PCF11: variants seen among roughly 807,000 people sequenced by gnomAD.
The protein encoded by PCF11 is pre-mRNA cleavage complex 2 protein Pcf11.
A neutral mutation model predicts 166.1 loss-of-function variants in PCF11; 19 were observed. The observed-to-expected ratio is 0.11, with a 90% confidence interval of 0.08 to 0.17. The LOEUF (loss-of-function observed/expected upper bound fraction) is 0.17, where lower values mean the gene tolerates loss of function less well. PCF11 is among the 10% of genes least tolerant of loss of function. The pLI is 1.00. For missense variants in PCF11, 1,565 were observed against 1,855.5 expected, an observed-to-expected ratio of 0.84 and a Z score of 2.88; for synonymous variants, 663 against 644.1, an observed-to-expected ratio of 1.03 and a Z score of -0.44.
In PCF11 at chr11:83,167,366, A is replaced by AT. The variant is rs750433694; in HGVS notation, c.2002-42dup. ...ATTATCTATCGTCTATTTTTTTGGT[A>AT]TTTTTTTATATTTAAAATATTTTAT... On this transcript the variant is annotated intron_variant, in intron 6 of 15. Coordinates refer to ENST00000298281, the Ensembl canonical transcript of PCF11. This position sits in a 1 kb window ranked among gnomAD's most constrained non-coding sequence, Gnocchi z 4.2. 9 of 1,514,592 alleles carry AT rather than the reference A, an allele frequency of 5.9e-6. No individual in the cohort carries two copies. Among genetic ancestry groups the AT allele is most frequent in the South Asian group, 2.6e-5 (2 of 76,188 alleles). 93.8% of individuals were successfully genotyped at this position (1,514,592 alleles called of 1,614,324 possible). A position where few individuals can be genotyped will look rare whatever the true frequency, so the allele number is the denominator to read the frequency against.
chr11:83,185,185 TAAA>T (rs538976193), exon 16 of PCF11: 24 of 221,556 alleles, frequency 1.1e-4, no homozygotes, highest in South Asian at 9.9e-4. Flanking sequence ...AAATTATAAA[TAAA>T]AAATATTTTT....
At chr11:83,160,000 A>G (rs1208495454) in intron 1 of PCF11, among the ~76,000 whole-genome samples, 1 of 152,250 alleles carries the variant, frequency 6.6e-6, no homozygotes, top group African/African-American at 2.4e-5. Context: ...GTAAAGACAC[A>G]GCAGTAAACC....
At chr11:83,166,375 A>G (rs1860459956) in exon 5 of PCF11, 1 of 1,613,994 alleles carries the variant, frequency 6.2e-7, no homozygotes, top group Admixed American at 1.7e-5. Context: ...CCAATTATAC[A>G]TTCCCCAAAG....
chr11:83,170,228 A>C (rs1259925972), intron 8 of PCF11, among the ~76,000 whole-genome samples: 1 of 151,364 alleles, frequency 6.6e-6, no homozygotes, highest in Non-Finnish European at 1.5e-5. Flanking sequence ...TCTCAATCAA[A>C]CCCCCACCTC....
chr11:83,166,755 T>A, intron 5 of PCF11, 41 bp downstream of exon 5: 1 of 1,495,702 alleles, frequency 6.7e-7, no homozygotes, highest in Non-Finnish European at 9.0e-7. Flanking sequence ...GTAGTGTATA[T>A]GTTTCAAAAG....
intron 1 of PCF11, chr11:83,158,838 G>T (rs979796936): frequency 6.6e-6 from 1 of 152,178 alleles, no homozygotes; most frequent in Non-Finnish European, 1.5e-5. Flanking sequence ...TGAAATGTGT[G>T]ACTGGTATTA....
At chr11:83,157,723 GA>G (rs1860047058) in intron 1 of PCF11, 92 bp downstream of exon 1, 2 of 1,196,584 alleles carry the variant, frequency 1.7e-6, no homozygotes, top group African/African-American at 1.5e-5. Context: ...TCCCAAGGGG[GA>G]CAGTGTTCCT....
exon 8 of PCF11, chr11:83,169,755 C>T (rs1860615945): frequency 6.2e-7 from 1 of 1,613,730 alleles, no homozygotes; most frequent in Non-Finnish European, 8.5e-7. Context: ...ATCCACCTGG[C>T]AATGCTTTTA....
At chr11:83,168,936 A>G in exon 8 of PCF11, 1 of 1,613,558 alleles carries the variant, frequency 6.2e-7, no homozygotes, top group Non-Finnish European at 8.5e-7. Context: ...GATTTGAGGG[A>G]CCAGGAGGCC....
intron 2 of PCF11, among the ~76,000 whole-genome samples, chr11:83,162,002 T>C (rs1249256115): frequency 6.6e-6 from 1 of 152,232 alleles, no homozygotes; most frequent in Non-Finnish European, 1.5e-5. Context: ...TAATTGCTGT[T>C]GGTTATTCTG....
At chr11:83,166,308 C>G (rs774044380) in exon 5 of PCF11, 1 of 1,613,460 alleles carries the variant, frequency 6.2e-7, no homozygotes, top group East Asian at 2.2e-5. Context: ...GGGGACAAAA[C>G]CAGGGAGATC....
intron 9 of PCF11, among the ~76,000 whole-genome samples, chr11:83,175,358 C>G (rs1275709562): frequency 1.3e-5 from 2 of 152,096 alleles, no homozygotes; most frequent in Non-Finnish European, 2.9e-5. Context: ...GTCTCAAACT[C>G]CTGACCTCAG....
chr11:83,157,165 G>C, exon 1 of PCF11: 2 of 567,780 alleles, frequency 3.5e-6, no homozygotes, highest in Non-Finnish European at 6.3e-6. Context: ...AGACATTTTC[G>C]GAGCTGGAGC....
intron 14 of PCF11, 50 bp from the exon 15 acceptor site, chr11:83,182,988 C>T: frequency 1.0e-6 from 1 of 976,884 alleles, no homozygotes; most frequent in Non-Finnish European, 1.6e-6. Context: ...ATCAGAATAG[C>T]CCATTAGAAA....
chr11:83,158,909 G>T (rs1213276475), intron 1 of PCF11: 1 of 152,130 alleles, frequency 6.6e-6, no homozygotes, highest in Non-Finnish European at 1.5e-5. Context: ...CCTTTGTAAG[G>T]TGTAGAATCT....
At chr11:83,175,075 G>C (rs987245898) in intron 9 of PCF11, among the ~76,000 whole-genome samples, 1 of 152,172 alleles carries the variant, frequency 6.6e-6, no homozygotes, top group Admixed American at 6.5e-5. Context: ...TAGTGGTTCA[G>C]AACTTTTCTG....
chr11:83,168,980 G>A (rs932571227), exon 8 of PCF11: 27 of 1,613,686 alleles, frequency 1.7e-5, no homozygotes, highest in East Asian at 4.5e-5. Flanking sequence ...GAGGGACATC[G>A]TGGTCAACCT....
chr11:83,159,115 C>T (rs1860125466), intron 1 of PCF11, among the ~76,000 whole-genome samples: 1 of 151,978 alleles, frequency 6.6e-6, no homozygotes, highest in Non-Finnish European at 1.5e-5. Context: ...CTTTTAAGGA[C>T]CTCAACAAGT....
chr11:83,184,971 A>C (rs2135452499), exon 16 of PCF11: 3 of 859,192 alleles, frequency 3.5e-6, no homozygotes, highest in South Asian at 1.7e-5. Flanking sequence ...TTTTTTATGT[A>C]TATATAGACA....
Sources: allele counts gnomAD v4.1 joint callset (sites outside exome capture counted in the v4.1 genomes callset), GRCh38; gene constraint gnomAD v4.1.1; non-coding constraint Gnocchi (gnomAD v3.1); transcripts MANE v1.5; gene names NCBI Gene and HGNC (gene_info 2026-07-23, HGNC 2026-07-21).